Variants in AP2B1 observed in about 807,000 individuals in gnomAD.
AP2B1 encodes adaptor related protein complex 2 subunit beta 1.
In AP2B1, 23 loss-of-function variants were observed where a neutral mutation model predicts 102.0. The ratio of observed to expected loss-of-function variants is 0.23; its 90% confidence interval spans 0.16 to 0.32. AP2B1 has a LOEUF of 0.32. AP2B1 is among the 10% of genes least tolerant of loss of function. AP2B1 has a pLI of 1.00. For synonymous variants in AP2B1, 381 were observed against 421.2 expected (o/e 0.90, Z 1.17); for missense variants, 541 against 1,157.4 (o/e 0.47, Z 7.73).
intron 14 of AP2B1, among the ~76,000 whole-genome samples, chr17:35,670,366 C>A (rs918780858): frequency 6.6e-6 from 1 of 152,162 alleles, no homozygotes; most frequent in Non-Finnish European, 1.5e-5. Flanking sequence ...CTTACTTTTT[C>A]AGTGGGGCAG....
At chr17:35,714,441 C>CTTAG (rs1443668081) in intron 20 of AP2B1, among the ~76,000 whole-genome samples, 1 of 152,044 alleles carries the variant, frequency 6.6e-6, no homozygotes, top group African/African-American at 2.4e-5. Context: ...GATGTGTGAC[C>CTTAG]TTAGCTAAAG....
intron 2 of AP2B1, 62 bp downstream of exon 2, chr17:35,594,129 C>A: frequency 1.6e-6 from 2 of 1,218,476 alleles, no homozygotes; most frequent in Non-Finnish European, 2.3e-6. Flanking sequence ...TAAGATTGCC[C>A]CAGGCAGAAT....
intron 3 of AP2B1, among the ~76,000 whole-genome samples, chr17:35,604,964 T>C (rs1462221854): frequency 6.6e-6 from 1 of 152,126 alleles, no homozygotes; most frequent in Non-Finnish European, 1.5e-5. Context: ...CACTCTGTCA[T>C]CCAGGCTAGA....
At position 35,699,225 on chromosome 17, in the gene AP2B1, A is replaced by G. The variant is rs587602577; in HGVS notation, c.2455-9999A>G. Among the ~76,000 whole-genome samples, 102 of 152,296 alleles carry G rather than the reference A, an allele frequency of 6.7e-4. 1 individual carries two copies. The highest frequency in any genetic ancestry group is 2.3e-3 in the African/African-American group (95 of 41,578). ...TATATGTGCTACTAGAGGATTTACA[A>G]TTTTAGAGATCATCTGGAGGGCTCT... On this transcript the variant is annotated intron_variant, in intron 18 of 21. Coordinates refer to ENST00000610402, the MANE Select transcript of AP2B1 (RefSeq NM_001030006.2).
chr17:35,629,105 C>T (rs1424926309), intron 9 of AP2B1, among the ~76,000 whole-genome samples: 1 of 152,062 alleles, frequency 6.6e-6, no homozygotes, highest in Non-Finnish European at 1.5e-5. Flanking sequence ...TACGCTACCA[C>T]ACCTAGCTAA....
intron 18 of AP2B1, among the ~76,000 whole-genome samples, chr17:35,707,440 C>T (rs180796513): frequency 0.016 from 2,038 of 130,060 alleles, 27 homozygotes; most frequent in South Asian, 0.065. Flanking sequence ...CGTGAGCCAC[C>T]GTGCCCGGCT....
At chr17:35,714,096 A>G (rs2076504295) in intron 20 of AP2B1, among the ~76,000 whole-genome samples, 1 of 152,234 alleles carries the variant, frequency 6.6e-6, no homozygotes, top group South Asian at 2.1e-4. Flanking sequence ...TATAATATTA[A>G]GAAAAGCTCA....
intron 3 of AP2B1, among the ~76,000 whole-genome samples, chr17:35,598,583 G>C (rs1420400755): frequency 6.6e-6 from 1 of 152,130 alleles, no homozygotes; most frequent in Non-Finnish European, 1.5e-5. Context: ...ATTGCATTCA[G>C]ATCTAGCATA....
At chr17:35,654,892 C>T (rs1320451481) in intron 13 of AP2B1, among the ~76,000 whole-genome samples, 2 of 151,912 alleles carry the variant, frequency 1.3e-5, no homozygotes, top group Non-Finnish European at 2.9e-5. Context: ...GTCAGGATAC[C>T]ACGGCCGTTG....
chr17:35,635,255 T>A (rs1161913362), intron 9 of AP2B1, among the ~76,000 whole-genome samples: 1 of 152,238 alleles, frequency 6.6e-6, no homozygotes, highest in African/African-American at 2.4e-5. Flanking sequence ...GGTTTCACCA[T>A]GTTGGCCAGG....
intron 12 of AP2B1, among the ~76,000 whole-genome samples, chr17:35,643,414 A>T (rs2074840471): frequency 1.3e-5 from 2 of 152,190 alleles, no homozygotes; most frequent in South Asian, 4.1e-4. Context: ...CTCTGTTTTC[A>T]CAAGTTCTCA....
intron 12 of AP2B1, among the ~76,000 whole-genome samples, chr17:35,649,549 C>T (rs979240891): frequency 1.3e-5 from 2 of 152,158 alleles, no homozygotes; most frequent in East Asian, 1.9e-4. Flanking sequence ...GGATTACAGG[C>T]GTAAGCCACC....
At position 35,709,230 on chromosome 17, in the gene AP2B1, G is replaced by T; in HGVS notation, c.2461G>T (p.Val821Leu). The T allele has an allele frequency of 6.2e-7, 1 of 1,614,046 alleles. No individual in the cohort carries two copies. Among genetic ancestry groups the T allele is most frequent in the African/African-American group, 1.3e-5 (1 of 75,010 alleles). Residue 821 changes from valine (V) to leucine (L), a missense_variant, in exon 19 of 22, where the codon GTG (valine) becomes TTG (leucine). Transcript: ENST00000610402. ...CTTGTTGCTTTCCTGGCAGGTGGCT[G>T]TGAAAAACAATATCGATGTCTTCTA... ...MEPLNNLQVA[V>L]KNNIDVFYFS... is the part of the protein sequence containing the mutation.
intron 9 of AP2B1, among the ~76,000 whole-genome samples, chr17:35,635,314 C>G (rs1598120088): frequency 1.3e-5 from 2 of 152,300 alleles, no homozygotes; most frequent in East Asian, 1.9e-4. Flanking sequence ...TCTCACCTCC[C>G]AAAGTGCTGG....
chr17:35,720,573 ATTT>A (rs1208973388), intron 21 of AP2B1, among the ~76,000 whole-genome samples: 390 of 27,718 alleles, frequency 0.014, no homozygotes, highest in Middle Eastern at 0.033. Flanking sequence ...ATATATATAT[ATTT>A]TTTTTTTTTT....
rs1373867619 is a variant in AP2B1, at chr17:35,657,616, G to C, written c.1814G>C (p.Ser605Thr). ...GACTTTAGCACTGATGCAGGTGACAGCCCTGTTGGCACTACCACTGCAACG... is the reference window on the plus strand; with the variant it reads ...GACTTTAGCACTGATGCAGGTGACACCCCTGTTGGCACTACCACTGCAACG... Reference protein sequence around the residue: ...IHHGSTDAGDSPVGTTTATNL... With the variant: ...IHHGSTDAGDTPVGTTTATNL... The change falls in exon 14 of 22, where the codon AGC becomes ACC. Residue 605 changes from serine (S) to threonine (T), a missense_variant. Coordinates refer to ENST00000610402, the MANE Select transcript of AP2B1 (RefSeq NM_001030006.2). 1 of 1,613,610 alleles carries C rather than the reference G, an allele frequency of 6.2e-7. No homozygotes were observed. Among genetic ancestry groups the C allele is most frequent in the South Asian group, 1.1e-5 (1 of 91,052 alleles).
intron 5 of AP2B1, among the ~76,000 whole-genome samples, chr17:35,615,605 C>G (rs2073989828): frequency 1.3e-5 from 2 of 152,162 alleles, no homozygotes; most frequent in South Asian, 4.1e-4. Context: ...AACTTAATGA[C>G]TTAACTTTAT....
chr17:35,600,865 T>A (rs1035809491), intron 3 of AP2B1: 11 of 302,218 alleles, frequency 3.6e-5, no homozygotes, highest in Admixed American at 1.3e-4. Context: ...GAGGGCTGCT[T>A]CCCTAACCAG....
At chr17:35,720,508 C>T (rs1380216470) in intron 21 of AP2B1, among the ~76,000 whole-genome samples, 1 of 139,910 alleles carries the variant, frequency 7.1e-6, no homozygotes, top group Non-Finnish European at 1.5e-5. Context: ...GGTTTAGCCA[C>T]ATCCACCTTC....
Sources: gnomAD v4.1 joint callset for allele counts (sites outside exome capture counted in the v4.1 genomes callset) on GRCh38, gnomAD v4.1.1 for gene constraint, MANE v1.5 for transcripts, NCBI Gene and HGNC (gene_info 2026-07-23, HGNC 2026-07-21) for gene names.